Variants in RCAN2 observed in about 807,000 individuals in gnomAD.
RCAN2 encodes the protein regulator of calcineurin 2.
Under a neutral mutation model 23.6 loss-of-function variants are expected in RCAN2, and 9 were observed. That is an observed-to-expected ratio of 0.38 (90% CI 0.23 to 0.67). The LOEUF (loss-of-function observed/expected upper bound fraction) is 0.67, where lower values mean the gene tolerates loss of function less well. Among genes scored for constraint, RCAN2 ranks in the 30% least tolerant of loss-of-function variants. The pLI, the probability that RCAN2 is intolerant of heterozygous loss-of-function variation, is 0.51. For synonymous variants in RCAN2, 109 were observed against 115.7 expected (o/e 0.94, Z 0.37); for missense variants, 273 against 302.3 (o/e 0.90, Z 0.72).
intron 2 of RCAN2, among the ~76,000 whole-genome samples, chr6:46,365,995 G>A (rs1765162498): frequency 6.6e-6 from 1 of 152,170 alleles, no homozygotes. Flanking sequence ...GTTTATGGAT[G>A]AGGAAATGAG....
intron 2 of RCAN2, among the ~76,000 whole-genome samples, chr6:46,455,205 C>T (rs2150431538): frequency 6.6e-6 from 1 of 152,284 alleles, no homozygotes; most frequent in South Asian, 2.1e-4. Context: ...AAGAAATTGG[C>T]ATGTGCCACT....
chr6:46,410,760 A>G (rs1001238540), intron 2 of RCAN2, among the ~76,000 whole-genome samples: 2 of 152,214 alleles, frequency 1.3e-5, no homozygotes, highest in African/African-American at 4.8e-5. Context: ...ATCTTCTTTG[A>G]ACTACTCAAA....
At chr6:46,473,563 A>G (rs1768628675) in intron 1 of RCAN2, among the ~76,000 whole-genome samples, 1 of 152,230 alleles carries the variant, frequency 6.6e-6, no homozygotes, top group African/African-American at 2.4e-5. Context: ...TAACAGCACC[A>G]TATGAAACAC....
chr6:46,379,373 C>T (rs796981607), intron 2 of RCAN2, among the ~76,000 whole-genome samples: 5 of 152,120 alleles, frequency 3.3e-5, no homozygotes, highest in African/African-American at 9.6e-5. Context: ...TTTGAAAGCA[C>T]GGCTAAGGAA....
In RCAN2 at chr6:46,280,539, T is replaced by C. The variant is rs561767769; in HGVS notation, c.226-31643A>G. Among the ~76,000 whole-genome samples the C allele has an allele frequency of 1.7e-3, 266 of 152,102 alleles. 2 individuals carry two copies. Among genetic ancestry groups the C allele is most frequent in the Non-Finnish European group, 2.8e-3 (188 of 67,990 alleles). ...GGCAAATTAAACTCCCAGGAGTACATAGCAGGCACCTCCAGATACCCAATA... is the reference window on the plus strand; with the variant it reads ...GGCAAATTAAACTCCCAGGAGTACACAGCAGGCACCTCCAGATACCCAATA... On this transcript the variant is annotated intron_variant, in intron 2 of 4. Coordinates refer to ENST00000371374, the MANE Select transcript of RCAN2 (RefSeq NM_001251974.2).
intron 1 of RCAN2, among the ~76,000 whole-genome samples, chr6:46,486,386 G>A (rs1312008770): frequency 6.6e-6 from 1 of 152,164 alleles, no homozygotes; most frequent in African/African-American, 2.4e-5. Context: ...TTAGGTCAAT[G>A]GGAAGCTCAA....
intron 2 of RCAN2, among the ~76,000 whole-genome samples, chr6:46,384,053 C>T (rs528934429): frequency 4.5e-4 from 69 of 152,258 alleles, no homozygotes; most frequent in Middle Eastern, 3.4e-3. Context: ...GGAGGGATCC[C>T]GCGCAGTAGC....
intron 2 of RCAN2, among the ~76,000 whole-genome samples, chr6:46,410,023 C>G (rs1043884884): frequency 1.1e-4 from 16 of 152,264 alleles, no homozygotes; most frequent in African/African-American, 3.6e-4. Flanking sequence ...CTCTCTCTCT[C>G]TCTCTCCTGG....
intron 4 of RCAN2, among the ~76,000 whole-genome samples, chr6:46,230,218 A>T (rs1240644068): frequency 6.6e-6 from 1 of 152,194 alleles, no homozygotes; most frequent in Admixed American, 6.5e-5. Context: ...TAGGCTACTC[A>T]GGGGTCAGGG....
intron 2 of RCAN2, among the ~76,000 whole-genome samples, chr6:46,364,652 C>T (rs1443858760): frequency 1.3e-5 from 2 of 152,152 alleles, no homozygotes; most frequent in Admixed American, 6.5e-5. Context: ...ATGCTATGTG[C>T]TTTCTCTTTT....
chr6:46,364,397 C>CT (rs1431352910), intron 2 of RCAN2, among the ~76,000 whole-genome samples: 2 of 152,032 alleles, frequency 1.3e-5, no homozygotes, highest in African/African-American at 4.8e-5. Context: ...AGGGAAAAGG[C>CT]TTGGAAAGGC....
chr6:46,462,069 C>T (rs185172635), intron 1 of RCAN2, among the ~76,000 whole-genome samples: 3 of 152,308 alleles, frequency 2.0e-5, no homozygotes, highest in Admixed American at 6.5e-5. Flanking sequence ...GCAGAGGTGG[C>T]CATCATCTTC....
intron 2 of RCAN2, among the ~76,000 whole-genome samples, chr6:46,349,970 T>G (rs1037313457): frequency 6.6e-6 from 1 of 152,210 alleles, no homozygotes; most frequent in African/African-American, 2.4e-5. Context: ...TTTAAAAACC[T>G]ACCTCATCTG....
chr6:46,248,422 C>T (rs1016085989), intron 3 of RCAN2, among the ~76,000 whole-genome samples: 10 of 152,134 alleles, frequency 6.6e-5, no homozygotes, highest in Non-Finnish European at 1.5e-5. Flanking sequence ...CTTAAACACA[C>T]AATAATTCAT....
At chr6:46,346,070 C>G (rs1764473627) in intron 2 of RCAN2, among the ~76,000 whole-genome samples, 1 of 151,998 alleles carries the variant, frequency 6.6e-6, no homozygotes, top group Non-Finnish European at 1.5e-5. Flanking sequence ...AATATGCTTT[C>G]TGATCACAAA....
chr6:46,306,467 A>G (rs1243652064), intron 2 of RCAN2, among the ~76,000 whole-genome samples: 4 of 152,168 alleles, frequency 2.6e-5, no homozygotes, highest in Non-Finnish European at 5.9e-5. Flanking sequence ...AGCATTCTAC[A>G]CAGTTTCAAA....
chr6:46,220,965 C>A lies in RCAN2; in HGVS notation c.*2176G>T, dbSNP rs1008657732. 1 of 152,600 alleles carries A rather than the reference C, an allele frequency of 6.6e-6. No homozygotes were observed. The highest frequency in any genetic ancestry group is 2.4e-5 in the African/African-American group (1 of 41,430). The allele number at this position is 152,600 out of a possible 1,614,324, so 9.5% of individuals were successfully genotyped here. ...TTCAAGGAGTCTTTCCATTTCTTAT[C>A]GTTCTCCTAGGAAAAGCCCCTCTTT... On this transcript the variant is annotated 3_prime_UTR_variant, in exon 5 of 5. Transcript: ENST00000371374.
At chr6:46,332,392 C>T (rs548368007) in intron 2 of RCAN2, among the ~76,000 whole-genome samples, 7 of 151,962 alleles carry the variant, frequency 4.6e-5, no homozygotes, top group South Asian at 4.2e-4. Context: ...ATGTGCCATG[C>T]GGGTGTGCTG....
chr6:46,240,159 G>A (rs923269954), intron 4 of RCAN2, among the ~76,000 whole-genome samples: 3 of 152,078 alleles, frequency 2.0e-5, no homozygotes, highest in African/African-American at 4.8e-5. Flanking sequence ...CCCATATTAG[G>A]GGCCCAGCCT....
Sources: gnomAD v4.1 joint callset for allele counts (sites outside exome capture counted in the v4.1 genomes callset) on GRCh38, gnomAD v4.1.1 for gene constraint, MANE v1.5 for transcripts, NCBI Gene and HGNC (gene_info 2026-07-23, HGNC 2026-07-21) for gene names.